SPAG16: variants seen among roughly 807,000 people sequenced by gnomAD.
SPAG16 encodes the protein sperm-associated antigen 16 protein.
SPAG16 carries 86 observed loss-of-function variants against 80.4 expected under a neutral mutation model. That is an observed-to-expected ratio of 1.07 (90% CI 0.90 to 1.28). The LOEUF (loss-of-function observed/expected upper bound fraction) is 1.28, where lower values mean the gene tolerates loss of function less well. Ranked by LOEUF, SPAG16 falls within the 50% of genes most tolerant of loss-of-function variation. The pLI is 0.00. For synonymous variants in SPAG16, 294 were observed against 265.9 expected (o/e 1.11, Z -1.03); for missense variants, 870 against 765.3 (o/e 1.14, Z -1.61).
At chr2:213,313,609 C>T (rs2063291043) in intron 4 of SPAG16, among the ~76,000 whole-genome samples, 1 of 151,748 alleles carries the variant, frequency 6.6e-6, no homozygotes, top group African/African-American at 2.4e-5. Flanking sequence ...CTATATTGTG[C>T]AATTATACAA....
intron 15 of SPAG16, among the ~76,000 whole-genome samples, chr2:214,408,376 A>G (rs1238674970): frequency 6.6e-6 from 1 of 152,150 alleles, no homozygotes; most frequent in African/African-American, 2.4e-5. Context: ...TGAAATCCAT[A>G]TGTAATGCCT....
rs541513472 is a variant in SPAG16 at position 213,372,069 on chromosome 2, G to A, written c.833-2941G>A. Among the ~76,000 whole-genome samples, 10 of 151,974 alleles carry A rather than the reference G, an allele frequency of 6.6e-5. No homozygotes were observed. In the East Asian group the frequency reaches 1.2e-3, roughly 18 times the overall value. On this transcript the variant is annotated intron_variant, in intron 8 of 15. Transcript: ENST00000331683. Reference sequence around the variant, plus strand: ...ATTTTTATCAAGGGTCATATGTATCGAATATTTACATGACACTATACAGAA... The same window carrying A: ...ATTTTTATCAAGGGTCATATGTATCAAATATTTACATGACACTATACAGAA...
chr2:213,598,338 T>G (rs2060949737), intron 10 of SPAG16, among the ~76,000 whole-genome samples: 1 of 152,210 alleles, frequency 6.6e-6, no homozygotes, highest in African/African-American at 2.4e-5. Flanking sequence ...ATACCAAAAT[T>G]AATAATGATA....
intron 10 of SPAG16, among the ~76,000 whole-genome samples, chr2:213,636,575 C>T (rs907523340): frequency 5.3e-5 from 8 of 152,146 alleles, no homozygotes; most frequent in Non-Finnish European, 8.8e-5. Context: ...ATTGATTCTA[C>T]CTGTCCATGA....
intron 15 of SPAG16, among the ~76,000 whole-genome samples, chr2:214,344,074 A>T (rs1315906408): frequency 6.6e-6 from 1 of 152,164 alleles, no homozygotes; most frequent in African/African-American, 2.4e-5. Flanking sequence ...CTTTCACTGA[A>T]AGCACATTCA....
At chr2:213,629,428 T>G (rs2062066881) in intron 10 of SPAG16, among the ~76,000 whole-genome samples, 1 of 152,242 alleles carries the variant, frequency 6.6e-6, no homozygotes, top group African/African-American at 2.4e-5. Flanking sequence ...GTCAGTCTCT[T>G]GTGTATGATC....
At chr2:214,329,189 A>C (rs963639904) in intron 15 of SPAG16, among the ~76,000 whole-genome samples, 1 of 152,242 alleles carries the variant, frequency 6.6e-6, no homozygotes, top group African/African-American at 2.4e-5. Context: ...CTCCATCTCA[A>C]ATCAGCTCTG....
At chr2:213,737,493 CT>C (rs3076768) in intron 10 of SPAG16, among the ~76,000 whole-genome samples, 3 of 142,234 alleles carry the variant, frequency 2.1e-5, no homozygotes, top group African/African-American at 7.8e-5. Flanking sequence ...TTTTTCTTTT[CT>C]TTTTTTTTTT....
At chr2:214,193,395 A>ATGTGTGTG (rs60839638) in intron 15 of SPAG16, among the ~76,000 whole-genome samples, 75 of 124,396 alleles carry the variant, frequency 6.0e-4, no homozygotes, top group Non-Finnish European at 9.2e-4. Flanking sequence ...GAGATCTTTT[A>ATGTGTGTG]TGTGTGTGTG....
At chr2:214,402,927 C>A (rs1701793097) in intron 15 of SPAG16, among the ~76,000 whole-genome samples, 1 of 151,666 alleles carries the variant, frequency 6.6e-6, no homozygotes, top group South Asian at 2.1e-4. Context: ...AGCATAGATT[C>A]ACACTGGAAA....
chr2:214,163,941 A>G (rs1257579444), intron 15 of SPAG16, among the ~76,000 whole-genome samples: 1 of 152,020 alleles, frequency 6.6e-6, no homozygotes, highest in Non-Finnish European at 1.5e-5. Context: ...TCAAGTACTA[A>G]TCACGTCTTT....
intron 12 of SPAG16, among the ~76,000 whole-genome samples, chr2:214,008,170 C>A (rs970577504): frequency 6.6e-6 from 1 of 152,082 alleles, no homozygotes; most frequent in Non-Finnish European, 1.5e-5. Flanking sequence ...GCTCACCCAG[C>A]TAACATTTTA....
intron 13 of SPAG16, among the ~76,000 whole-genome samples, chr2:214,066,233 C>G (rs1378641921): frequency 1.3e-5 from 2 of 152,132 alleles, no homozygotes; most frequent in East Asian, 3.9e-4. Flanking sequence ...GCTCACCTTC[C>G]CACAATCCTC....
intron 10 of SPAG16, among the ~76,000 whole-genome samples, chr2:213,533,518 C>T (rs2076143899): frequency 6.6e-6 from 1 of 152,140 alleles, no homozygotes; most frequent in East Asian, 1.9e-4. Context: ...ATTTGACATC[C>T]TCTTACTGAA....
At chr2:213,311,641 G>A (rs751887622) in intron 4 of SPAG16, among the ~76,000 whole-genome samples, 48 of 151,582 alleles carry the variant, frequency 3.2e-4, no homozygotes, top group Non-Finnish European at 4.9e-4. Context: ...AGAATATCGT[G>A]GTTCAAGTAA....
chr2:214,231,351 C>T (rs548313158), intron 15 of SPAG16, among the ~76,000 whole-genome samples: 71 of 152,038 alleles, frequency 4.7e-4, no homozygotes, highest in African/African-American at 1.7e-3. Context: ...TTTCTAGACT[C>T]TTTAAAGAAC....
chr2:213,592,406 A>G (rs2060728747), intron 10 of SPAG16, among the ~76,000 whole-genome samples: 1 of 152,218 alleles, frequency 6.6e-6, no homozygotes, highest in African/African-American at 2.4e-5. Flanking sequence ...CTACATACTA[A>G]TATTCTGAAG....
intron 15 of SPAG16, among the ~76,000 whole-genome samples, chr2:214,318,665 C>T (rs144680008): frequency 1.7e-3 from 266 of 152,090 alleles, no homozygotes; most frequent in African/African-American, 6.1e-3. Flanking sequence ...CATGAGCCAC[C>T]GCGCCCAGCC....
chr2:214,103,403 C>G (rs1399036862), intron 13 of SPAG16, among the ~76,000 whole-genome samples: 2 of 152,140 alleles, frequency 1.3e-5, no homozygotes, highest in Admixed American at 1.3e-4. Context: ...CGCCTGACCT[C>G]TAGTCTGGCT....
Sources: allele counts gnomAD v4.1 joint callset (sites outside exome capture counted in the v4.1 genomes callset), GRCh38; gene constraint gnomAD v4.1.1; transcripts MANE v1.5; gene names NCBI Gene and HGNC (gene_info 2026-07-23, HGNC 2026-07-21).